Variants in LRRTM4 observed in about 807,000 individuals in gnomAD.
LRRTM4 encodes leucine-rich repeat transmembrane neuronal protein 4.
Under a neutral mutation model 47.6 loss-of-function variants are expected in LRRTM4, and 25 were observed. That is an observed-to-expected ratio of 0.53 (90% CI 0.38 to 0.73). The LOEUF is 0.73. Among genes scored for constraint, LRRTM4 ranks in the 30% least tolerant of loss-of-function variants. The pLI is 0.00. For missense variants in LRRTM4, 638 were observed against 713.4 expected (o/e 0.89, Z 1.20); for synonymous variants, 311 against 269.5 (o/e 1.15, Z -1.51).
At chr2:77,322,188 T>C (rs1293093895) in intron 3 of LRRTM4, among the ~76,000 whole-genome samples, 1 of 152,106 alleles carries the variant, frequency 6.6e-6, no homozygotes, top group Non-Finnish European at 1.5e-5. Context: ...GTGAAGAAGG[T>C]TTGCAATTAT....
At chr2:76,815,120 G>T (rs1403633485) in intron 3 of LRRTM4, among the ~76,000 whole-genome samples, 1 of 151,864 alleles carries the variant, frequency 6.6e-6, no homozygotes, top group Non-Finnish European at 1.5e-5. Context: ...TTAAAAATAA[G>T]AAAAGAAATA....
chr2:76,771,394 G>A (rs1275053969), intron 3 of LRRTM4, among the ~76,000 whole-genome samples: 1 of 152,134 alleles, frequency 6.6e-6, no homozygotes, highest in Non-Finnish European at 1.5e-5. Context: ...ATCTGATTTA[G>A]ATAAGATTGA....
intron 3 of LRRTM4, among the ~76,000 whole-genome samples, chr2:77,303,039 A>G (rs774832645): frequency 2.6e-5 from 4 of 152,076 alleles, no homozygotes; most frequent in Non-Finnish European, 5.9e-5. Flanking sequence ...ATTAGGCCCC[A>G]CCATTGCTCA....
At chr2:76,871,921 A>G (rs750808548) in intron 3 of LRRTM4, among the ~76,000 whole-genome samples, 2 of 152,172 alleles carry the variant, frequency 1.3e-5, no homozygotes, top group Non-Finnish European at 2.9e-5. Flanking sequence ...AACTTAAGTG[A>G]GCTTGAAATA....
intron 3 of LRRTM4, among the ~76,000 whole-genome samples, chr2:77,049,097 T>G (rs1326795482): frequency 7.1e-6 from 1 of 140,336 alleles, no homozygotes; most frequent in Admixed American, 7.4e-5. Flanking sequence ...GTTTGTTTTT[T>G]TTTGACTAAA....
At position 76,772,091 on chromosome 2, in the gene LRRTM4, G is replaced by A. The variant is rs541410681; in HGVS notation, c.1552-23175C>T. ...TGAGATCGTAACACCCAATTCGATG[G>A]TATTAAGAAGTAAGACCTTTGGGAG... is the stretch of plus-strand genomic sequence containing the variant. On this transcript the variant is annotated intron_variant, in intron 3 of 3. Coordinates refer to ENST00000409884, the MANE Select transcript of LRRTM4 (RefSeq NM_001134745.3). Among the ~76,000 whole-genome samples the A allele has an allele frequency of 6.6e-5, 10 of 152,276 alleles. No homozygotes were observed. The East Asian group carries it at 7.7e-4, about 12-fold the overall frequency.
intron 3 of LRRTM4, among the ~76,000 whole-genome samples, chr2:77,381,356 T>G (rs1410610827): frequency 6.6e-6 from 1 of 152,036 alleles, no homozygotes; most frequent in East Asian, 1.9e-4. Flanking sequence ...ACACAAAACT[T>G]TAAATCTCTT....
At chr2:76,775,189 T>A (rs1673910432) in intron 3 of LRRTM4, among the ~76,000 whole-genome samples, 1 of 152,200 alleles carries the variant, frequency 6.6e-6, no homozygotes, top group South Asian at 2.1e-4. Context: ...TTTATTGTTT[T>A]GGGCTTGATG....
intron 3 of LRRTM4, among the ~76,000 whole-genome samples, chr2:77,203,869 A>G (rs1181616139): frequency 6.6e-6 from 1 of 152,202 alleles, no homozygotes; most frequent in Non-Finnish European, 1.5e-5. Context: ...AAGAGAATTA[A>G]AACTCAAGGC....
chr2:77,288,584 A>G (rs569009851), intron 3 of LRRTM4, among the ~76,000 whole-genome samples: 21 of 152,230 alleles, frequency 1.4e-4, no homozygotes, highest in Admixed American at 1.0e-3. Flanking sequence ...ACATATAAAC[A>G]TACCATTGCA....
intron 3 of LRRTM4, among the ~76,000 whole-genome samples, chr2:77,391,316 G>C (rs139187060): frequency 2.1e-4 from 32 of 152,074 alleles, no homozygotes; most frequent in African/African-American, 7.7e-4. Flanking sequence ...TCTGCAGATG[G>C]TTATCTCTGG....
chr2:77,139,451 T>C (rs567798113), intron 3 of LRRTM4, among the ~76,000 whole-genome samples: 1 of 152,180 alleles, frequency 6.6e-6, no homozygotes, highest in African/African-American at 2.4e-5. Context: ...TCTCAATAAA[T>C]TAGGTAGGTA....
intron 3 of LRRTM4, among the ~76,000 whole-genome samples, chr2:77,269,639 T>C (rs1676140956): frequency 6.6e-6 from 1 of 152,304 alleles, no homozygotes; most frequent in African/African-American, 2.4e-5. Flanking sequence ...AAAAAAGGTT[T>C]TAGTTATACA....
intron 3 of LRRTM4, among the ~76,000 whole-genome samples, chr2:76,751,843 G>A (rs1350754581): frequency 6.6e-6 from 1 of 152,064 alleles, no homozygotes; most frequent in Non-Finnish European, 1.5e-5. Context: ...TTTCAAAAGG[G>A]ATTTCCTAAG....
At chr2:76,959,958 G>A (rs1675799590) in intron 3 of LRRTM4, among the ~76,000 whole-genome samples, 1 of 151,264 alleles carries the variant, frequency 6.6e-6, no homozygotes, top group African/African-American at 2.4e-5. Context: ...TGCCTTCATA[G>A]CCACTGGTTT....
chr2:76,956,743 A>C (rs1452056296), intron 3 of LRRTM4, among the ~76,000 whole-genome samples: 2 of 151,354 alleles, frequency 1.3e-5, no homozygotes, highest in Non-Finnish European at 3.0e-5. Context: ...AAATAAATTC[A>C]GAAAGAAAAC....
At chr2:77,276,349 AAAGGAAGGAAGGAGAG>A (rs1412511108) in intron 3 of LRRTM4, among the ~76,000 whole-genome samples, 10 of 131,652 alleles carry the variant, frequency 7.6e-5, no homozygotes, top group Non-Finnish European at 1.2e-4. Flanking sequence ...AGGAAGGAAA[AAAGGAAGGAAGGAGAG>A]AAGGAAGGAA....
chr2:77,396,401 T>C (rs17014051), intron 3 of LRRTM4, among the ~76,000 whole-genome samples: 4,938 of 151,992 alleles, frequency 0.032, 278 homozygotes, highest in African/African-American at 0.11. Flanking sequence ...GCTAAGGTTT[T>C]TACAGGTAGG....
rs542880083 is a variant in LRRTM4, at chr2:77,118,982, T to A, written c.1552-370066A>T. On this transcript the variant is annotated intron_variant, in intron 3 of 3. Transcript: ENST00000409884. ...GCTAGCCAGGCATGGGATTACTCTA[T>A]GCAGAACACACCTGGCATAGTACTC... is the stretch of plus-strand genomic sequence containing the variant. Among the ~76,000 whole-genome samples the A allele has an allele frequency of 9.9e-5, 15 of 151,986 alleles. 2 individuals carry two copies. Among genetic ancestry groups the A allele is most frequent in the African/African-American group, 2.9e-4 (12 of 41,552 alleles).
Sources: gnomAD v4.1 joint callset for allele counts (sites outside exome capture counted in the v4.1 genomes callset) on GRCh38, gnomAD v4.1.1 for gene constraint, MANE v1.5 for transcripts, NCBI Gene and HGNC (gene_info 2026-07-23, HGNC 2026-07-21) for gene names.